UTRN: variants seen among roughly 807,000 people sequenced by gnomAD.
UTRN encodes the protein utrophin.
Under a neutral mutation model 463.9 loss-of-function variants are expected in UTRN, and 283 were observed. The ratio of observed to expected loss-of-function variants is 0.61; its 90% confidence interval spans 0.55 to 0.67. The LOEUF is 0.67. UTRN is among the 30% of genes least tolerant of loss of function. The pLI is 0.00. For missense variants in UTRN, 3,922 were observed against 4,084.3 expected (o/e 0.96, Z 1.08); for synonymous variants, 1,442 against 1,431.5 (o/e 1.01, Z -0.17).
At chr6:144,720,844 G>T (rs1787065450) in intron 53 of UTRN, among the ~76,000 whole-genome samples, 1 of 152,054 alleles carries the variant, frequency 6.6e-6, no homozygotes, top group African/African-American at 2.4e-5. Context: ...CTCTTTCAGA[G>T]ATTTGTGGCA....
intron 7 of UTRN, 54 bp downstream of exon 7, chr6:144,426,513 G>A (rs1228159179): frequency 1.3e-6 from 2 of 1,524,170 alleles, no homozygotes; most frequent in East Asian, 2.4e-5. Context: ...TCTCCTCTCT[G>A]TCCCTTTGCT....
chr6:144,650,919 A>G (rs1015179839), intron 51 of UTRN, among the ~76,000 whole-genome samples: 1 of 151,938 alleles, frequency 6.6e-6, no homozygotes, highest in Non-Finnish European at 1.5e-5. Context: ...AAATAATAAT[A>G]ATAATAATAA....
chr6:144,839,013 C>A, intron 71 of UTRN, 160 bp from the exon 72 acceptor site: 1 of 548,390 alleles, frequency 1.8e-6, no homozygotes, highest in Non-Finnish European at 3.2e-6. Flanking sequence ...GACCAAAGCC[C>A]CCACCAAGCT....
At chr6:144,772,026 T>TG in intron 59 of UTRN, 58 bp downstream of exon 59, 3 of 952,586 alleles carry the variant, frequency 3.1e-6, no homozygotes, top group Admixed American at 3.3e-5. Context: ...GTTTTTTTTT[T>TG]TTTTTTTTTT....
chr6:144,528,032 A>ATT (rs201546711), intron 41 of UTRN, among the ~76,000 whole-genome samples: 2,954 of 111,882 alleles, frequency 0.026, 208 homozygotes, highest in African/African-American at 0.085. Flanking sequence ...AGCTAGTGTG[A>ATT]TTTTTTTTTT....
intron 52 of UTRN, among the ~76,000 whole-genome samples, chr6:144,697,112 G>A (rs1304756114): frequency 6.6e-6 from 1 of 152,092 alleles, no homozygotes; most frequent in East Asian, 1.9e-4. Context: ...ATTTTAAAAG[G>A]AGTAACTTGC....
At chr6:144,538,624 C>T (rs1001169676) in intron 44 of UTRN, among the ~76,000 whole-genome samples, 28 of 148,896 alleles carry the variant, frequency 1.9e-4, no homozygotes, top group Non-Finnish European at 3.1e-4. Context: ...GAGCCGAGAT[C>T]GTGCCACTGC....
At chr6:144,488,549 T>C (rs935811120) in intron 29 of UTRN, 124 bp from the exon 30 acceptor site, 34 of 840,224 alleles carry the variant, frequency 4.0e-5, no homozygotes, top group Non-Finnish European at 5.1e-5. Flanking sequence ...TATTATTTAT[T>C]TATAAAGAAA....
intron 51 of UTRN, among the ~76,000 whole-genome samples, chr6:144,632,681 T>C (rs1191454618): frequency 1.3e-5 from 2 of 152,132 alleles, no homozygotes; most frequent in East Asian, 3.8e-4. Context: ...ATGTTAGAAA[T>C]ACTGTGTAAG....
intron 53 of UTRN, among the ~76,000 whole-genome samples, chr6:144,712,451 C>T (rs1238954500): frequency 1.3e-5 from 2 of 152,200 alleles, no homozygotes; most frequent in East Asian, 3.8e-4. Context: ...AGGCAAGAAA[C>T]AGAGGCCTGT....
intron 51 of UTRN, among the ~76,000 whole-genome samples, chr6:144,628,809 CTCTCA>C (rs1419512953): frequency 1.3e-5 from 2 of 152,098 alleles, no homozygotes; most frequent in African/African-American, 4.8e-5. Flanking sequence ...CGATTCACAA[CTCTCA>C]TCTCTTTGGG....
rs1262179122 is a variant in UTRN, at chr6:144,474,701, C to T, written c.3278C>T (p.Thr1093Ile). ...AGTGGTCCAGTTGCTGGAATAAAAA[C>T]TTGGGTGCAGACAAGACTAGGTGAC... The part of the protein sequence containing the change: ...LRSGPVAGIK[T>I]WVQTRLGDYQ... The change falls in exon 25 of 75, where the codon ACT (threonine) becomes ATT (isoleucine). Residue 1093 changes from threonine (T) to isoleucine (I), a missense_variant. By Grantham distance (89) the Thr-to-Ile change is moderately conservative. Around this residue, in one of 3 missense-constraint regions of UTRN, gnomAD observed 2,349 missense variants for 2,303.8 expected, o/e 1.02. Coordinates refer to ENST00000367545, the MANE Select transcript of UTRN (RefSeq NM_007124.3). 24 of 1,613,858 alleles carry T rather than the reference C, an allele frequency of 1.5e-5. No individual in the cohort carries two copies. Among genetic ancestry groups the T allele is most frequent in the Non-Finnish European group, 2.0e-5 (24 of 1,179,960 alleles).
chr6:144,573,293 T>C (rs1801127206), intron 50 of UTRN, among the ~76,000 whole-genome samples: 1 of 152,126 alleles, frequency 6.6e-6, no homozygotes, highest in Non-Finnish European at 1.5e-5. Flanking sequence ...TGGCTCAGCC[T>C]GTAATGCCAG....
At chr6:144,536,750 A>G (rs1337513290) in intron 43 of UTRN, among the ~76,000 whole-genome samples, 1 of 152,044 alleles carries the variant, frequency 6.6e-6, no homozygotes, top group African/African-American at 2.4e-5. Context: ...AAAAATAAAG[A>G]TACCACCAGG....
At chr6:144,293,962 G>A (rs1379822539) in intron 2 of UTRN, among the ~76,000 whole-genome samples, 1 of 151,852 alleles carries the variant, frequency 6.6e-6, no homozygotes, top group Non-Finnish European at 1.5e-5. Flanking sequence ...AAACAAGTAT[G>A]TATTATATGA....
intron 2 of UTRN, among the ~76,000 whole-genome samples, chr6:144,391,072 C>T (rs1781872940): frequency 6.6e-6 from 1 of 151,854 alleles, no homozygotes; most frequent in Non-Finnish European, 1.5e-5. Context: ...GAAATATTCC[C>T]AGTTCTTTTT....
chr6:144,454,885 A>T (rs1177468325), intron 19 of UTRN, among the ~76,000 whole-genome samples: 1 of 152,148 alleles, frequency 6.6e-6, no homozygotes, highest in African/African-American at 2.4e-5. Flanking sequence ...TACCTGTGTA[A>T]CCTACACACA....
chr6:144,690,082 T>G (rs1006649214), intron 52 of UTRN, among the ~76,000 whole-genome samples: 3 of 44,490 alleles, frequency 6.7e-5, no homozygotes, highest in East Asian at 8.8e-4. Flanking sequence ...CTGTTTTTTT[T>G]TTTTTTTTTT....
intron 65 of UTRN, among the ~76,000 whole-genome samples, chr6:144,810,869 C>T (rs1295399969): frequency 6.6e-6 from 1 of 152,086 alleles, no homozygotes; most frequent in Non-Finnish European, 1.5e-5. Context: ...AAAAATACCT[C>T]AATGAGAAAC....
Sources: allele counts gnomAD v4.1 joint callset (sites outside exome capture counted in the v4.1 genomes callset), GRCh38; gene constraint gnomAD v4.1.1; regional missense constraint gnomAD v4.1.1; transcripts MANE v1.5; gene names NCBI Gene and HGNC (gene_info 2026-07-23, HGNC 2026-07-21).